Variants in SUPT3H observed in about 807,000 individuals in gnomAD.
The protein encoded by SUPT3H is SPT3 homolog, SAGA and STAGA complex component.
SUPT3H carries 44 observed loss-of-function variants against 44.3 expected under a neutral mutation model. The ratio of observed to expected loss-of-function variants is 0.99; its 90% confidence interval spans 0.78 to 1.28. The LOEUF (loss-of-function observed/expected upper bound fraction) is 1.28. SUPT3H is among the 50% of genes most tolerant of loss of function. The pLI is 0.00. For missense variants in SUPT3H, 380 were observed against 387.1 expected (o/e 0.98, Z 0.15); for synonymous variants, 124 against 125.6 (o/e 0.99, Z 0.09).
At position 44,839,858 on chromosome 6, in the gene SUPT3H, C is replaced by T. The variant is rs941452544; in HGVS notation, c.913-10001G>A. Reference sequence around the variant, plus strand: ...CTGGGACTACAGGTGCCCGCCACCACGCCCGGCTACTTTTTGTATTTTTAG... The same window carrying T: ...CTGGGACTACAGGTGCCCGCCACCATGCCCGGCTACTTTTTGTATTTTTAG... On this transcript the variant is annotated intron_variant, in intron 10 of 10. Coordinates refer to ENST00000371459, the MANE Select transcript of SUPT3H (RefSeq NM_003599.4). Among the ~76,000 whole-genome samples the T allele has an allele frequency of 1.5e-4, 23 of 152,268 alleles. No homozygotes were observed. The East Asian group carries it at 2.3e-3, about 15-fold the overall frequency.
chr6:44,910,261 C>T (rs907790223), intron 10 of SUPT3H, among the ~76,000 whole-genome samples: 28 of 152,262 alleles, frequency 1.8e-4, no homozygotes, highest in African/African-American at 6.5e-4. Context: ...CCCAACATTT[C>T]CCATTAGCTC....
intron 10 of SUPT3H, among the ~76,000 whole-genome samples, chr6:44,928,905 G>T (rs1293574): frequency 4.8e-5 from 3 of 62,908 alleles, no homozygotes; most frequent in African/African-American, 2.9e-4. Flanking sequence ...AAAAAAAAAA[G>T]AAAAGAAAAG....
intron 6 of SUPT3H, among the ~76,000 whole-genome samples, chr6:44,975,845 G>A (rs986348050): frequency 1.6e-4 from 25 of 151,800 alleles, no homozygotes; most frequent in Non-Finnish European, 1.6e-4. Flanking sequence ...TTAAAAAAAA[G>A]AAAATATGAA....
intron 10 of SUPT3H, among the ~76,000 whole-genome samples, chr6:44,913,924 T>C (rs1432467382): frequency 6.6e-6 from 1 of 152,200 alleles, no homozygotes; most frequent in African/African-American, 2.4e-5. Flanking sequence ...CAAATGTTTA[T>C]CAACTATCAA....
chr6:45,372,135 G>A (rs1581997236), intron 1 of SUPT3H: 1 of 521,892 alleles, frequency 1.9e-6, no homozygotes, highest in Non-Finnish European at 2.5e-6. Flanking sequence ...AATGGAAGCA[G>A]TAAAGAGCTA....
intron 2 of SUPT3H, among the ~76,000 whole-genome samples, chr6:45,265,128 A>G (rs780942083): frequency 3.9e-5 from 6 of 152,126 alleles, no homozygotes; most frequent in Non-Finnish European, 7.4e-5. Context: ...GATTAAAGCA[A>G]TATTTTTGGA....
chr6:45,249,071 G>T (rs894158536), intron 2 of SUPT3H, among the ~76,000 whole-genome samples: 1 of 152,038 alleles, frequency 6.6e-6, no homozygotes, highest in Non-Finnish European at 1.5e-5. Flanking sequence ...TAGAAACCAC[G>T]TGATATCGTT....
At chr6:45,337,430 T>C (rs1280520413) in intron 2 of SUPT3H, among the ~76,000 whole-genome samples, 2 of 151,784 alleles carry the variant, frequency 1.3e-5, no homozygotes, top group African/African-American at 4.8e-5. Flanking sequence ...TAAATCAATA[T>C]ATACAAGGGT....
intron 3 of SUPT3H, among the ~76,000 whole-genome samples, chr6:45,056,817 G>A (rs1791201497): frequency 6.6e-6 from 1 of 151,902 alleles, no homozygotes; most frequent in Non-Finnish European, 1.5e-5. Context: ...ATCCATGTAA[G>A]CAAACATTAC....
At chr6:44,854,851 C>G (rs776509162) in intron 10 of SUPT3H, among the ~76,000 whole-genome samples, 1 of 152,184 alleles carries the variant, frequency 6.6e-6, no homozygotes, top group African/African-American at 2.4e-5. Flanking sequence ...TGACAGCTAT[C>G]TTCAAATACC....
At chr6:45,327,816 C>G (rs1786621201) in intron 2 of SUPT3H, among the ~76,000 whole-genome samples, 1 of 151,622 alleles carries the variant, frequency 6.6e-6, no homozygotes, top group South Asian at 2.1e-4. Context: ...AGCCACCCAG[C>G]AAATATGAAG....
intron 2 of SUPT3H, among the ~76,000 whole-genome samples, chr6:45,301,708 A>T (rs1291178361): frequency 6.6e-6 from 1 of 152,216 alleles, no homozygotes; most frequent in Non-Finnish European, 1.5e-5. Context: ...GAAAGCAAGG[A>T]TCATTTTAGT....
chr6:45,118,250 T>C (rs116350213), intron 2 of SUPT3H, among the ~76,000 whole-genome samples: 1 of 152,234 alleles, frequency 6.6e-6, no homozygotes, highest in Non-Finnish European at 1.5e-5. Context: ...TCTTTAAGTA[T>C]ACTGAAAATA....
chr6:45,369,465 T>C lies in SUPT3H; in HGVS notation c.1-4164A>G, dbSNP rs1795684942. Among the ~76,000 whole-genome samples, 3 of 152,194 alleles carry C rather than the reference T, an allele frequency of 2.0e-5. No homozygotes were observed. In the South Asian group the frequency reaches 6.2e-4, roughly 31 times the overall value. ...ACTAATTATTTTTGTTGAATGAGCC[T>C]CTGTCCCACAGTGAATCCCTCCCCT... On this transcript the variant is annotated intron_variant, in intron 1 of 10. Coordinates refer to ENST00000371459, the MANE Select transcript of SUPT3H (RefSeq NM_003599.4).
chr6:45,084,590 C>G (rs748544382), intron 3 of SUPT3H, among the ~76,000 whole-genome samples: 2 of 152,164 alleles, frequency 1.3e-5, no homozygotes, highest in Non-Finnish European at 2.9e-5. Context: ...GAAGTATCAT[C>G]TGACCCAGGA....
At chr6:45,123,491 G>C (rs1801973357) in intron 2 of SUPT3H, among the ~76,000 whole-genome samples, 1 of 150,962 alleles carries the variant, frequency 6.6e-6, no homozygotes, top group African/African-American at 2.4e-5. Flanking sequence ...CTCCCACCTA[G>C]GCCTCCCATA....
intron 2 of SUPT3H, among the ~76,000 whole-genome samples, chr6:45,145,676 A>G (rs1385515048): frequency 6.6e-6 from 1 of 152,180 alleles, no homozygotes; most frequent in East Asian, 1.9e-4. Context: ...ATGGGACTTA[A>G]TTAAACCAAA....
Position 44,913,287 on chromosome 6 carries a change from A to C in SUPT3H, c.912+19366T>G, listed in dbSNP as rs370165671. On this transcript the variant is annotated intron_variant, in intron 10 of 10. Transcript: ENST00000371459. ...TTCTTCTCTTTTTCCCAAGGAAAGC[A>C]GAGTCACAGCATGCCTGTGTTTATC... Among the ~76,000 whole-genome samples, 108 of 152,316 alleles carry C rather than the reference A, an allele frequency of 7.1e-4. 3 individuals carry two copies. The South Asian group carries it at 0.021, about 30-fold the overall frequency.
At chr6:45,124,229 T>C (rs1379703396) in intron 2 of SUPT3H, among the ~76,000 whole-genome samples, 2 of 152,044 alleles carry the variant, frequency 1.3e-5, no homozygotes, top group Non-Finnish European at 2.9e-5. Flanking sequence ...GTAGCTATTA[T>C]ATTATTTAGT....
Sources: gnomAD v4.1 joint callset for allele counts (sites outside exome capture counted in the v4.1 genomes callset) on GRCh38, gnomAD v4.1.1 for gene constraint, MANE v1.5 for transcripts, NCBI Gene and HGNC (gene_info 2026-07-23, HGNC 2026-07-21) for gene names.